The following GRID2 variants were observed in gnomAD, a reference collection of about 807,000 sequenced individuals.
GRID2 encodes glutamate ionotropic receptor delta type subunit 2.
A neutral mutation model predicts 114.8 loss-of-function variants in GRID2; 33 were observed. The ratio of observed to expected loss-of-function variants is 0.29; its 90% CI spans 0.22 to 0.38. The LOEUF is 0.38. Ranked by LOEUF, GRID2 falls within the 10% of genes least tolerant of loss-of-function variation. The pLI is 1.00. For synonymous variants in GRID2, 505 were observed against 449.9 expected, an observed-to-expected ratio of 1.12 and a Z score of -1.55; for missense variants, 1,184 against 1,257.7, an observed-to-expected ratio of 0.94 and a Z score of 0.89.
At chr4:92,539,041 CAAAA>C (rs36120695) in intron 1 of GRID2, among the ~76,000 whole-genome samples, 1 of 102,216 alleles carries the variant, frequency 9.8e-6, no homozygotes, top group Non-Finnish European at 2.1e-5. Flanking sequence ...GACTCCATCT[CAAAA>C]AAAAAAAAAA....
intron 2 of GRID2, among the ~76,000 whole-genome samples, chr4:92,699,450 T>C (rs1437867468): frequency 6.6e-6 from 1 of 152,150 alleles, no homozygotes; most frequent in Non-Finnish European, 1.5e-5. Context: ...CCTCTCTAAG[T>C]CTCTACTGCT....
intron 1 of GRID2, among the ~76,000 whole-genome samples, chr4:92,322,014 G>A (rs181768931): frequency 1.4e-4 from 21 of 152,148 alleles, no homozygotes; most frequent in African/African-American, 4.6e-4. Context: ...TCATATTTCA[G>A]GAAATTGAAC....
At chr4:93,433,472 T>C (rs899758634) in intron 10 of GRID2, among the ~76,000 whole-genome samples, 1 of 152,106 alleles carries the variant, frequency 6.6e-6, no homozygotes, top group African/African-American at 2.4e-5. Flanking sequence ...AAAAACAGGT[T>C]CCTTGAGTAT....
chr4:92,544,002 G>A (rs1348660130), intron 1 of GRID2, among the ~76,000 whole-genome samples: 1 of 152,134 alleles, frequency 6.6e-6, no homozygotes. Flanking sequence ...GAACATGGTT[G>A]GAGTATTTAT....
chr4:93,238,692 AG>A (rs1328165971), intron 8 of GRID2, among the ~76,000 whole-genome samples: 1 of 151,828 alleles, frequency 6.6e-6, no homozygotes, highest in Admixed American at 6.6e-5. Flanking sequence ...TTTCCGACTT[AG>A]AATAATGTAA....
At chr4:92,666,527 G>A (rs1027694759) in intron 2 of GRID2, among the ~76,000 whole-genome samples, 1 of 151,016 alleles carries the variant, frequency 6.6e-6, no homozygotes, top group African/African-American at 2.4e-5. Context: ...TGGCAAATTT[G>A]GAACTCATAT....
At chr4:92,818,659 G>T (rs1272907193) in intron 2 of GRID2, among the ~76,000 whole-genome samples, 1 of 152,078 alleles carries the variant, frequency 6.6e-6, no homozygotes, top group Non-Finnish European at 1.5e-5. Context: ...AACTTGATGA[G>T]TCGCTATACC....
chr4:93,397,922 A>G (rs1765493469), intron 9 of GRID2, among the ~76,000 whole-genome samples: 1 of 151,220 alleles, frequency 6.6e-6, no homozygotes, highest in Admixed American at 6.6e-5. Context: ...TTTGAGCCTC[A>G]GTTTGTTGAA....
At chr4:92,518,249 G>A (rs960566088) in intron 1 of GRID2, among the ~76,000 whole-genome samples, 1 of 151,388 alleles carries the variant, frequency 6.6e-6, no homozygotes, top group African/African-American at 2.4e-5. Context: ...AGGAGTTAAG[G>A]TAAAGGTTAG....
chr4:92,756,713 G>C (rs955884624), intron 2 of GRID2, among the ~76,000 whole-genome samples: 14 of 151,990 alleles, frequency 9.2e-5, no homozygotes, highest in African/African-American at 3.1e-4. Flanking sequence ...GACTCTTACT[G>C]ATGTTGAACA....
intron 2 of GRID2, among the ~76,000 whole-genome samples, chr4:92,646,888 CTTTTTTTT>C (rs33921659): frequency 3.6e-5 from 2 of 56,158 alleles, no homozygotes; most frequent in African/African-American, 5.7e-5. Flanking sequence ...TCTTTGAATT[CTTTTTTTT>C]TTTTTTTTTT....
intron 2 of GRID2, among the ~76,000 whole-genome samples, chr4:92,907,771 C>G (rs1316303515): frequency 1.3e-5 from 2 of 152,056 alleles, no homozygotes; most frequent in African/African-American, 4.8e-5. Context: ...TACCTGTAAT[C>G]CAAGCACTTT....
intron 2 of GRID2, among the ~76,000 whole-genome samples, chr4:92,925,054 G>A (rs1578491481): frequency 1.3e-5 from 2 of 151,918 alleles, no homozygotes; most frequent in South Asian, 2.1e-4. Flanking sequence ...TCTAAGCAAG[G>A]GTCCAGAATA....
chr4:92,592,367 A>G (rs1217836756), intron 2 of GRID2, among the ~76,000 whole-genome samples: 11 of 152,156 alleles, frequency 7.2e-5, no homozygotes, highest in African/African-American at 2.4e-5. Flanking sequence ...AATGAAGACA[A>G]CACAGTGGTG....
chr4:93,520,736 A>C (rs1324524013), intron 13 of GRID2, among the ~76,000 whole-genome samples: 2 of 152,154 alleles, frequency 1.3e-5, no homozygotes, highest in African/African-American at 4.8e-5. Context: ...AGGCAGCTAA[A>C]TTTCTCACAT....
chr4:93,610,862 T>A (rs1489636069), intron 13 of GRID2, among the ~76,000 whole-genome samples: 1 of 135,668 alleles, frequency 7.4e-6, no homozygotes. Flanking sequence ...TCTTTTTCTA[T>A]TGATTGGAAT....
intron 2 of GRID2, among the ~76,000 whole-genome samples, chr4:92,848,583 C>G (rs1235467171): frequency 6.6e-6 from 1 of 151,794 alleles, no homozygotes; most frequent in African/African-American, 2.4e-5. Flanking sequence ...TTGGAGTGGC[C>G]TTTGATTGTT....
At chr4:92,916,037 T>C (rs571816226) in intron 2 of GRID2, among the ~76,000 whole-genome samples, 29 of 152,296 alleles carry the variant, frequency 1.9e-4, no homozygotes, top group African/African-American at 7.0e-4. Context: ...ACTCTCTTAA[T>C]AGTTTTCTTT....
rs955588777 is a variant in GRID2 at position 93,374,462 on chromosome 4, A to G, written c.1246-21145A>G. Among the ~76,000 whole-genome samples the G allele has an allele frequency of 7.2e-5, 11 of 152,298 alleles. 1 individual carries two copies. The highest frequency in any genetic ancestry group is 5.2e-4 in the Admixed American group (8 of 15,286). On this transcript the variant is annotated intron_variant, in intron 8 of 15. Transcript: ENST00000282020. Reference sequence around the variant, plus strand: ...TAAGAAATTGTACTTATTCTAAACTATAGGGATGGAAGTGCAGCCAGGTCA... The same window carrying G: ...TAAGAAATTGTACTTATTCTAAACTGTAGGGATGGAAGTGCAGCCAGGTCA...
Sources: allele counts gnomAD v4.1 joint callset (sites outside exome capture counted in the v4.1 genomes callset), GRCh38; gene constraint gnomAD v4.1.1; transcripts MANE v1.5; gene names NCBI Gene and HGNC (gene_info 2026-07-23, HGNC 2026-07-21).